The following CTNNA3 variants were observed in gnomAD, a reference collection of about 807,000 sequenced individuals.
CTNNA3 encodes catenin alpha 3.
CTNNA3 carries 76 observed loss-of-function variants against 95.7 expected under a neutral mutation model. The observed-to-expected ratio is 0.79, with a 90% CI of 0.66 to 0.96. The LOEUF is 0.96. CTNNA3 is among the 40% of genes least tolerant of loss of function. CTNNA3 has a pLI of 0.00. For synonymous variants in CTNNA3, 431 were observed against 374.4 expected (o/e 1.15, Z -1.74); for missense variants, 1,191 against 1,089.8 (o/e 1.09, Z -1.31).
At chr10:67,293,163 C>G (rs1341784565) in intron 5 of CTNNA3, among the ~76,000 whole-genome samples, 1 of 152,082 alleles carries the variant, frequency 6.6e-6, no homozygotes, top group Non-Finnish European at 1.5e-5. Flanking sequence ...TAAGCTTGAT[C>G]AAGTAGACTT....
chr10:66,693,005 A>G lies in CTNNA3; in HGVS notation c.1282-71221T>C, dbSNP rs148874496. On this transcript the variant is annotated intron_variant, in intron 9 of 17. Transcript: ENST00000433211. Reference sequence around the variant, plus strand: ...AACAACCGGTACCAGCCACTGCAAAAGCATGCCAAATTTTAAACACCATCG... The same window carrying G: ...AACAACCGGTACCAGCCACTGCAAAGGCATGCCAAATTTTAAACACCATCG... Among the ~76,000 whole-genome samples, 1,391 of 152,284 alleles carry G rather than the reference A, an allele frequency of 9.1e-3. 24 individuals are homozygous for G. The highest frequency in any genetic ancestry group is 0.031 in the African/African-American group (1,282 of 41,530).
At chr10:66,910,839 G>A (rs115027617) in intron 7 of CTNNA3, among the ~76,000 whole-genome samples, 1,547 of 152,278 alleles carry the variant, frequency 0.01, 28 homozygotes, top group African/African-American at 0.035. Context: ...AACCTTGTGC[G>A]TCATGACAAT....
At chr10:66,360,957 C>T (rs1293218682) in intron 12 of CTNNA3, among the ~76,000 whole-genome samples, 1 of 136,936 alleles carries the variant, frequency 7.3e-6, no homozygotes, top group South Asian at 2.3e-4. Context: ...CTCTCTCTTT[C>T]TTTCTATTAT....
intron 5 of CTNNA3, among the ~76,000 whole-genome samples, chr10:67,439,512 AACTC>A (rs1846422209): frequency 1.3e-5 from 2 of 152,168 alleles, no homozygotes; most frequent in Non-Finnish European, 2.9e-5. Flanking sequence ...ACCTCATGAG[AACTC>A]ACTCACTATC....
chr10:67,577,715 T>A (rs1842216653), intron 3 of CTNNA3, among the ~76,000 whole-genome samples: 1 of 151,784 alleles, frequency 6.6e-6, no homozygotes, highest in Non-Finnish European at 1.5e-5. Context: ...TGTGTGTGTG[T>A]GTGTGTGTAT....
intron 5 of CTNNA3, among the ~76,000 whole-genome samples, chr10:67,508,345 T>C (rs1026009849): frequency 6.6e-6 from 1 of 152,194 alleles, no homozygotes; most frequent in Admixed American, 6.5e-5. Flanking sequence ...AAAGGCCGTA[T>C]TTCACAAGCC....
intron 7 of CTNNA3, among the ~76,000 whole-genome samples, chr10:66,915,959 G>A (rs922860683): frequency 1.3e-5 from 2 of 152,018 alleles, no homozygotes; most frequent in Admixed American, 6.5e-5. Context: ...ATGTTGGCCA[G>A]GATGGTCTCA....
chr10:66,726,731 G>A (rs1005630792), intron 9 of CTNNA3, among the ~76,000 whole-genome samples: 2 of 152,078 alleles, frequency 1.3e-5, no homozygotes, highest in Non-Finnish European at 2.9e-5. Context: ...AGTAACTGAT[G>A]TTTAACTCAT....
At chr10:66,217,692 TTTTG>T (rs1397605095) in intron 13 of CTNNA3, among the ~76,000 whole-genome samples, 4 of 152,214 alleles carry the variant, frequency 2.6e-5, no homozygotes, top group African/African-American at 9.6e-5. Flanking sequence ...TTTAGTTTAT[TTTTG>T]TTTGTTTTTA....
At chr10:66,280,241 C>T (rs576480926) in intron 13 of CTNNA3, among the ~76,000 whole-genome samples, 30 of 152,166 alleles carry the variant, frequency 2.0e-4, no homozygotes, top group Non-Finnish European at 2.2e-4. Flanking sequence ...TTTCTGCACA[C>T]GCAGCAGTAA....
intron 8 of CTNNA3, among the ~76,000 whole-genome samples, chr10:66,768,691 T>G (rs965079580): frequency 6.6e-6 from 1 of 152,078 alleles, no homozygotes; most frequent in African/African-American, 2.4e-5. Context: ...AATGTTAAGA[T>G]GGAAATTCAT....
At chr10:66,529,009 A>T (rs898905576) in intron 10 of CTNNA3, among the ~76,000 whole-genome samples, 1 of 152,246 alleles carries the variant, frequency 6.6e-6, no homozygotes, top group Admixed American at 6.5e-5. Context: ...GCATTTTAAA[A>T]TTAGTATCTA....
intron 5 of CTNNA3, among the ~76,000 whole-genome samples, chr10:67,258,138 CTTTGTTTG>C (rs556872529): frequency 1.3e-5 from 2 of 151,990 alleles, no homozygotes; most frequent in South Asian, 4.2e-4. Context: ...AATGGTTATC[CTTTGTTTG>C]TTTGTTTGTT....
At chr10:67,168,031 G>A (rs1861857831) in intron 7 of CTNNA3, among the ~76,000 whole-genome samples, 1 of 152,162 alleles carries the variant, frequency 6.6e-6, no homozygotes, top group Non-Finnish European at 1.5e-5. Flanking sequence ...CAGCTACTCA[G>A]GAGGTTGAGG....
chr10:66,222,933 T>C (rs1173127012), intron 13 of CTNNA3, among the ~76,000 whole-genome samples: 1 of 152,156 alleles, frequency 6.6e-6, no homozygotes, highest in Non-Finnish European at 1.5e-5. Flanking sequence ...TTAAAGTTGC[T>C]TTGTAATAAT....
intron 10 of CTNNA3, among the ~76,000 whole-genome samples, chr10:66,596,159 G>A (rs1286219453): frequency 6.6e-6 from 1 of 152,056 alleles, no homozygotes; most frequent in African/African-American, 2.4e-5. Context: ...CTAGGAACAG[G>A]GTAAGGGGGT....
chr10:66,599,549 A>C (rs1399412498), intron 10 of CTNNA3, among the ~76,000 whole-genome samples: 1 of 151,946 alleles, frequency 6.6e-6, no homozygotes, highest in Non-Finnish European at 1.5e-5. Context: ...CTTGTTACAC[A>C]ACAATACATT....
chr10:66,318,276 A>ATATATATATATGTGTG (rs33943741), intron 12 of CTNNA3, among the ~76,000 whole-genome samples: 2 of 136,602 alleles, frequency 1.5e-5, no homozygotes, highest in Non-Finnish European at 1.6e-5. Flanking sequence ...ATATATATAT[A>ATATATATATATGTGTG]TGTGTGTGTG....
chr10:67,214,663 TTGGGAC>T (rs140725018), intron 6 of CTNNA3, among the ~76,000 whole-genome samples: 1 of 152,048 alleles, frequency 6.6e-6, no homozygotes, highest in African/African-American at 2.4e-5. Flanking sequence ...CTATTCATGT[TTGGGAC>T]TGGGTAAAAA....
Sources: gnomAD v4.1 joint callset for allele counts (sites outside exome capture counted in the v4.1 genomes callset) on GRCh38, gnomAD v4.1.1 for gene constraint, MANE v1.5 for transcripts, NCBI Gene and HGNC (gene_info 2026-07-23, HGNC 2026-07-21) for gene names.